NEK4: variants seen among roughly 807,000 people sequenced by gnomAD.
NEK4 encodes NIMA related kinase 4.
A neutral mutation model predicts 98.4 loss-of-function variants in NEK4; 86 were observed. The observed-to-expected ratio is 0.87, with a 90% CI of 0.73 to 1.05. NEK4 has a LOEUF of 1.05. NEK4 is among the 50% of genes least tolerant of loss of function. The pLI is 0.00. For missense variants in NEK4, 898 were observed against 950.3 expected (o/e 0.94, Z 0.72); for synonymous variants, 328 against 342.2 (o/e 0.96, Z 0.46).
In NEK4 at chr3:52,736,940, G is replaced by T. The variant is rs72960247; in HGVS notation, c.2433+646C>A. 8.5e-3 allele frequency among the ~76,000 whole-genome samples: 1,300 copies of T among 152,156 alleles called. 25 individuals carry two copies. The highest frequency in any genetic ancestry group is 0.03 in the African/African-American group (1,238 of 41,512). On this transcript the variant is annotated intron_variant, in intron 15 of 15. Transcript: ENST00000233027. ...CTCATGTTTTAGGTAATAGGTAATA[G>T]AGTTTATTTTTTTTGAGACAGAGTC...
chr3:52,767,147 A>G (rs1698597446), intron 2 of NEK4, among the ~76,000 whole-genome samples: 1 of 151,798 alleles, frequency 6.6e-6, no homozygotes, highest in African/African-American at 2.4e-5. Context: ...TTAGCTGGGC[A>G]TGGTGACGCA....
chr3:52,764,949 G>A (rs927042836), intron 4 of NEK4, among the ~76,000 whole-genome samples: 2 of 152,146 alleles, frequency 1.3e-5, no homozygotes, highest in Admixed American at 6.5e-5. Flanking sequence ...GTGGCATTAT[G>A]GGAAAATTTT....
intron 15 of NEK4, chr3:52,733,222 T>C (rs1021617611): frequency 1.6e-5 from 4 of 243,258 alleles, no homozygotes; most frequent in East Asian, 1.3e-4. Context: ...GCAAGGTCTT[T>C]AGTTGCAATC....
At chr3:52,737,746 G>GA (rs766987451) in intron 14 of NEK4, 27 bp from the exon 15 acceptor site, 127 of 1,573,846 alleles carry the variant, frequency 8.1e-5, no homozygotes, top group Middle Eastern at 3.4e-4. Flanking sequence ...AAGACAAAGG[G>GA]AAAAATAAAC....
chr3:52,739,820 G>A (rs999108118), intron 13 of NEK4, among the ~76,000 whole-genome samples, 186 bp from the exon 14 acceptor site: 2 of 152,090 alleles, frequency 1.3e-5, no homozygotes, highest in Non-Finnish European at 2.9e-5. Context: ...ACTCAACAAC[G>A]TAAAGGGAAT....
At chr3:52,735,483 T>C (rs1456908743) in intron 15 of NEK4, among the ~76,000 whole-genome samples, 2 of 152,186 alleles carry the variant, frequency 1.3e-5, no homozygotes, top group African/African-American at 4.8e-5. Flanking sequence ...AGCACCAAAG[T>C]TGAATGAATT....
At chr3:52,768,670 C>A in intron 1 of NEK4, 66 bp from the exon 2 acceptor site, 2 of 1,499,320 alleles carry the variant, frequency 1.3e-6, no homozygotes, top group East Asian at 2.3e-5. Flanking sequence ...TCAGAGTTAT[C>A]TAAGGGCTCT....
At chr3:52,714,211 G>A (rs1030515401) in intron 15 of NEK4, among the ~76,000 whole-genome samples, 22 of 152,142 alleles carry the variant, frequency 1.4e-4, no homozygotes, top group Admixed American at 1.4e-3. Flanking sequence ...ACTCCAGCCC[G>A]GGCTACAGAG....
At chr3:52,748,336 T>C (rs763688818) in intron 8 of NEK4, among the ~76,000 whole-genome samples, 6 of 152,276 alleles carry the variant, frequency 3.9e-5, no homozygotes, top group African/African-American at 1.4e-4. Context: ...ATTTGCAGTG[T>C]TGACAGGCAA....
In NEK4 at chr3:52,711,330, A is replaced by T. The variant is rs1007993424; in HGVS notation, c.*447T>A. 1 of 152,666 alleles carries T rather than the reference A, an allele frequency of 6.6e-6. No homozygotes were observed. The highest frequency in any genetic ancestry group is 6.5e-5 in the Admixed American group (1 of 15,292). The allele number at this position is 152,666 out of a possible 1,614,324, so 9.5% of individuals were successfully genotyped here. ...CTTTTTAAAATTTTATAATTTATCA[A>T]CTACTCCTTAAGGTTATTAACAATA... On this transcript the variant is annotated 3_prime_UTR_variant, in exon 16 of 16. Coordinates refer to ENST00000233027, the MANE Select transcript of NEK4 (RefSeq NM_003157.6).
intron 14 of NEK4, 122 bp downstream of exon 14, chr3:52,739,307 G>A: frequency 5.4e-6 from 4 of 744,568 alleles, no homozygotes; most frequent in Middle Eastern, 3.0e-4. Context: ...GCTGAAGCAG[G>A]AGAATCGCTT....
At chr3:52,744,802 G>C (rs1440645182) in intron 10 of NEK4, among the ~76,000 whole-genome samples, 1 of 151,800 alleles carries the variant, frequency 6.6e-6, no homozygotes, top group Non-Finnish European at 1.5e-5. Context: ...GCCCACAGCA[G>C]GGTTATAGCT....
At chr3:52,758,091 A>C (rs1578691098) in intron 6 of NEK4, among the ~76,000 whole-genome samples, 1 of 146,294 alleles carries the variant, frequency 6.8e-6, no homozygotes, top group Admixed American at 7.0e-5. Context: ...AGGCAGGGGA[A>C]TTGCTTGAAC....
chr3:52,766,370 T>C lies in NEK4; in HGVS notation c.366A>G (p.Leu122=), dbSNP rs1226608666. 6.2e-7 allele frequency: 1 copy of C among 1,609,448 alleles called. No homozygotes were observed. The highest frequency in any genetic ancestry group is 1.3e-5 in the African/African-American group (1 of 74,834). The change falls in exon 3 of 16, where the codon TTA becomes TTG. Residue 122 remains leucine (L), a synonymous_variant. Coordinates refer to ENST00000233027, the MANE Select transcript of NEK4 (RefSeq NM_003157.6). ...FVQIAMALQY[L]HEKHILHRDL... ...CTCGATGAAGGATGTGTTTTTCATG[T>C]AAATACTGAGGAAAGAAACAAGATT...
chr3:52,761,470 G>C (rs1369588337), intron 5 of NEK4, among the ~76,000 whole-genome samples: 1 of 151,936 alleles, frequency 6.6e-6, no homozygotes, highest in African/African-American at 2.4e-5. Flanking sequence ...TTTTTTAGTA[G>C]AGACGGGGTT....
At chr3:52,767,351 C>T (rs908626284) in intron 2 of NEK4, among the ~76,000 whole-genome samples, 1 of 152,064 alleles carries the variant, frequency 6.6e-6, no homozygotes, top group Non-Finnish European at 1.5e-5. Flanking sequence ...GACGCACAGT[C>T]CTCTCAGACC....
chr3:52,767,247 C>T (rs1698601042), intron 2 of NEK4, among the ~76,000 whole-genome samples: 1 of 151,294 alleles, frequency 6.6e-6, no homozygotes, highest in South Asian at 2.1e-4. Flanking sequence ...GATTGTGCCA[C>T]TGCACTCGAA....
rs540431104 is a variant in NEK4, at chr3:52,760,548, T to C, written c.963+247A>G. Among the ~76,000 whole-genome samples the C allele has an allele frequency of 2.0e-5, 3 of 152,342 alleles. 1 individual carries two copies. In the South Asian group the frequency reaches 6.2e-4, roughly 32 times the overall value. ...GTTTACTTTAAAATGGTTAATTTTG[T>C]TATATAAATTTCACCTAAAAAATTC... is the stretch of plus-strand genomic sequence containing the variant. On this transcript the variant is annotated intron_variant, in intron 6 of 15. Coordinates refer to ENST00000233027, the MANE Select transcript of NEK4 (RefSeq NM_003157.6).
intron 7 of NEK4, 24 bp downstream of exon 7, chr3:52,751,908 A>G: frequency 6.3e-7 from 1 of 1,588,070 alleles, no homozygotes; most frequent in Non-Finnish European, 8.6e-7. Context: ...CAAAACCAGT[A>G]TCTCATGTGT....
Sources: allele counts gnomAD v4.1 joint callset (sites outside exome capture counted in the v4.1 genomes callset), GRCh38; gene constraint gnomAD v4.1.1; transcripts MANE v1.5; gene names NCBI Gene and HGNC (gene_info 2026-07-23, HGNC 2026-07-21).